SEPTIN11: variants seen among roughly 807,000 people sequenced by gnomAD.
SEPTIN11 encodes the protein septin 11, also known as septin-11.
In SEPTIN11, 25 loss-of-function variants were observed where a neutral mutation model predicts 51.4. That is an observed-to-expected ratio of 0.49 (90% CI 0.35 to 0.68). SEPTIN11 has a LOEUF of 0.68. SEPTIN11 is among the 30% of genes least tolerant of loss of function. SEPTIN11 has a pLI of 0.00. For synonymous variants in SEPTIN11, 174 were observed against 184.1 expected, an observed-to-expected ratio of 0.95 and a Z score of 0.44; for missense variants, 381 against 520.8, an observed-to-expected ratio of 0.73 and a Z score of 2.61.
chr4:76,986,856 C>T (rs1268162934), intron 1 of SEPTIN11, among the ~76,000 whole-genome samples: 1 of 152,086 alleles, frequency 6.6e-6, no homozygotes, highest in Non-Finnish European at 1.5e-5. Context: ...TATAAAACTA[C>T]AGCTTTTTTT....
intron 1 of SEPTIN11, among the ~76,000 whole-genome samples, chr4:76,990,284 T>C (rs922032117): frequency 6.6e-6 from 1 of 152,112 alleles, no homozygotes; most frequent in Non-Finnish European, 1.5e-5. Flanking sequence ...GATTGGTGCA[T>C]TTTATAATCC....
At chr4:77,018,571 G>A (rs6532775) in intron 5 of SEPTIN11, among the ~76,000 whole-genome samples, 89,400 of 151,988 alleles carry the variant, frequency 0.59, 28,060 homozygotes, top group African/African-American at 0.82. Context: ...TTTACATTTT[G>A]TAAAATTCAC....
intron 4 of SEPTIN11, among the ~76,000 whole-genome samples, chr4:77,012,301 G>A (rs1724930736): frequency 6.6e-6 from 1 of 152,184 alleles, no homozygotes; most frequent in Admixed American, 6.5e-5. Context: ...TTGTCTCTGT[G>A]ATGATAATGG....
intron 1 of SEPTIN11, among the ~76,000 whole-genome samples, chr4:76,953,230 A>G (rs1198070710): frequency 6.6e-6 from 1 of 152,202 alleles, no homozygotes; most frequent in Non-Finnish European, 1.5e-5. Context: ...TGTGTCAGGA[A>G]CTTGTTCTAG....
At chr4:76,970,444 A>G (rs1722193938) in intron 1 of SEPTIN11, among the ~76,000 whole-genome samples, 1 of 152,236 alleles carries the variant, frequency 6.6e-6, no homozygotes, top group Admixed American at 6.5e-5. Context: ...GTCAGAAAAC[A>G]TTACTGTGGC....
chr4:76,961,843 A>C (rs187243550), intron 1 of SEPTIN11, among the ~76,000 whole-genome samples: 1 of 152,332 alleles, frequency 6.6e-6, no homozygotes, highest in Admixed American at 6.5e-5. Flanking sequence ...AGAGCTGCAC[A>C]TGCATTTCTG....
intron 1 of SEPTIN11, among the ~76,000 whole-genome samples, chr4:76,995,269 C>T (rs1425076043): frequency 6.6e-6 from 1 of 152,012 alleles, no homozygotes; most frequent in Non-Finnish European, 1.5e-5. Context: ...ATAATCCCAG[C>T]TACTCGGGAG....
chr4:76,969,851 CA>C (rs1244935697), intron 1 of SEPTIN11, among the ~76,000 whole-genome samples: 1 of 152,158 alleles, frequency 6.6e-6, no homozygotes. Flanking sequence ...TGCTTTCCTC[CA>C]GTTCTTAAAA....
intron 7 of SEPTIN11, among the ~76,000 whole-genome samples, chr4:77,026,449 T>A (rs17002333): frequency 0.019 from 2,889 of 152,272 alleles, 91 homozygotes; most frequent in African/African-American, 0.065. Context: ...TGAATCAGCC[T>A]CTCCAGGACT....
intron 5 of SEPTIN11, among the ~76,000 whole-genome samples, chr4:77,016,400 G>A (rs911746562): frequency 6.7e-6 from 1 of 148,570 alleles, no homozygotes; most frequent in Non-Finnish European, 1.5e-5. Flanking sequence ...CATCAGCCTC[G>A]GCATCCATGG....
At chr4:76,987,495 G>A (rs570849149) in intron 1 of SEPTIN11, among the ~76,000 whole-genome samples, 5 of 152,272 alleles carry the variant, frequency 3.3e-5, no homozygotes, top group African/African-American at 1.2e-4. Flanking sequence ...TCCCGATGCT[G>A]GCTTCATAGC....
rs1724840751 is a variant in SEPTIN11 at position 77,011,256 on chromosome 4, G to A, written c.339-479G>A. ...CACCAGTTTCATTTTGTGCACCAGTGGCAATCAGTAGGGAGAGGCTATCAC... is the reference window on the plus strand; with the variant it reads ...CACCAGTTTCATTTTGTGCACCAGTAGCAATCAGTAGGGAGAGGCTATCAC... On this transcript the variant is annotated intron_variant, in intron 3 of 9. Transcript: ENST00000264893. Among the ~76,000 whole-genome samples, 3 of 152,094 alleles carry A rather than the reference G, an allele frequency of 2.0e-5. No individual in the cohort carries two copies. The South Asian group carries it at 6.2e-4, about 32-fold the overall frequency.
chr4:76,998,608 T>C (rs1723901109), intron 2 of SEPTIN11, among the ~76,000 whole-genome samples: 1 of 152,072 alleles, frequency 6.6e-6, no homozygotes, highest in Non-Finnish European at 1.5e-5. Context: ...GTTAAGACTC[T>C]CCCCCACCCT....
At chr4:77,005,862 T>C (rs2109948352) in intron 3 of SEPTIN11, 66 bp downstream of exon 3, 6 of 1,445,284 alleles carry the variant, frequency 4.2e-6, no homozygotes, top group East Asian at 2.3e-5. Flanking sequence ...CCCAGGTAAA[T>C]TTAAAGGCCA....
chr4:76,964,944 A>AAGTG, intron 1 of SEPTIN11, among the ~76,000 whole-genome samples: 1 of 152,276 alleles, frequency 6.6e-6, no homozygotes, highest in Admixed American at 6.5e-5. Context: ...AGCTCATATC[A>AAGTG]AGTGGCCCAG....
At chr4:76,995,872 T>C (rs1390648803) in intron 1 of SEPTIN11, 1 of 1,535,626 alleles carries the variant, frequency 6.5e-7, no homozygotes, top group Non-Finnish European at 8.7e-7. Flanking sequence ...TCAAGAAACC[T>C]GTAAAACTAA....
chr4:76,978,927 A>G (rs1722629219), intron 1 of SEPTIN11, among the ~76,000 whole-genome samples: 1 of 151,936 alleles, frequency 6.6e-6, no homozygotes, highest in African/African-American at 2.4e-5. Context: ...CTTAAACTTC[A>G]CTTCCTCCAT....
At chr4:77,031,539 T>C (rs17002336) in intron 9 of SEPTIN11, 6,888 of 152,222 alleles carry the variant, frequency 0.045, 236 homozygotes, top group East Asian at 0.096. Context: ...CCTAAACCCA[T>C]TCATAAAAGG....
At chr4:77,016,609 TATACACATATATATATATATACAC>T (rs1259961393) in intron 5 of SEPTIN11, among the ~76,000 whole-genome samples, 37 of 46,326 alleles carry the variant, frequency 8.0e-4, no homozygotes, top group African/African-American at 3.9e-3. Flanking sequence ...CATATATATA[TATACACATATATATATATATACAC>T]ATATATATAT....
Sources: allele counts gnomAD v4.1 joint callset (sites outside exome capture counted in the v4.1 genomes callset), GRCh38; gene constraint gnomAD v4.1.1; transcripts MANE v1.5; gene names NCBI Gene and HGNC (gene_info 2026-07-23, HGNC 2026-07-21).